Variants in BCAR1 observed in about 807,000 individuals in gnomAD.
The protein encoded by BCAR1 is BCAR1 scaffold protein, Cas family member.
BCAR1 carries 30 observed loss-of-function variants against 67.6 expected under a neutral mutation model. The observed-to-expected ratio is 0.44, with a 90% confidence interval of 0.33 to 0.60. The LOEUF is 0.60. BCAR1 is among the 20% of genes least tolerant of loss of function. BCAR1 has a pLI of 0.02. For missense variants in BCAR1, 1,313 were observed against 1,222.3 expected, an observed-to-expected ratio of 1.07 and a Z score of -1.11; for synonymous variants, 626 against 556.7, an observed-to-expected ratio of 1.12 and a Z score of -1.75.
At position 75,257,459 on chromosome 16, in the gene BCAR1, C is replaced by CT. The variant is rs1555547561; in HGVS notation, c.66+10455dup. 5.9e-5 allele frequency among the ~76,000 whole-genome samples: 9 copies of CT among 151,858 alleles called. No individual in the cohort carries two copies. In the South Asian group the frequency reaches 1.7e-3, roughly 28 times the overall value. On this transcript the variant is annotated intron_variant, in intron 1 of 6. Transcript: ENST00000393422. The stretch of plus-strand genomic sequence containing the variant: ...TGTGGCAGCCACAGGGAAAGCAATG[C>CT]TTTTTTTTCTTTTTTTAAAGACAAG...
rs747078851 is a variant in BCAR1, at chr16:75,236,852, GGCCCTGGCATT to G, written c.912+19_912+29del. 3.7e-5 allele frequency: 60 copies of G among 1,606,768 alleles called. No individual in the cohort carries two copies. The highest frequency in any genetic ancestry group is 3.6e-4 in the African/African-American group (27 of 74,970). ...CCCAGACACCCCACAGCCTCAGCCTGGCCCTGGCATTGCCCTGGCATTTGCTCACTGCGTGG... is the reference window on the plus strand; with the variant it reads ...CCCAGACACCCCACAGCCTCAGCCTGGCCCTGGCATTTGCTCACTGCGTGG... On this transcript the variant is annotated intron_variant, in intron 4 of 6. Transcript: ENST00000162330.
At chr16:75,238,859 C>T in intron 2 of BCAR1, 3 of 985,406 alleles carry the variant, frequency 3.0e-6, no homozygotes, top group South Asian at 4.7e-5. Context: ...CGAGGCACGG[C>T]CTGAGGCTTC....
chr16:75,262,972 T>C (rs1055771248), intron 1 of BCAR1, among the ~76,000 whole-genome samples: 1 of 152,168 alleles, frequency 6.6e-6, no homozygotes, highest in African/African-American at 2.4e-5. Context: ...TGCAGGACGA[T>C]GCTTATTTTA....
chr16:75,252,222 G>A (rs938773269), upstream of BCAR1: 2 of 1,536,570 alleles, frequency 1.3e-6, no homozygotes, highest in Non-Finnish European at 1.7e-6. Context: ...CGCTTTTCAC[G>A]GGCAGCACCT....
chr16:75,252,246 T>C (rs1013997403), upstream of BCAR1: 1 of 1,536,582 alleles, frequency 6.5e-7, no homozygotes, highest in African/African-American at 1.4e-5. Context: ...TTCCCCTGCA[T>C]TGTGCCGACA....
chr16:75,229,290 A>C lies in BCAR1; in HGVS notation c.*221T>G. On this transcript the variant is annotated 3_prime_UTR_variant, in exon 7 of 7. Transcript: ENST00000162330. ...CCCGGGCCCGTGGTGCATGCTGGGG[A>C]AGGCCACTGGCCGGCCCCTGGGCTT... 1.5e-6 allele frequency: 1 copy of C among 683,038 alleles called. No individual in the cohort carries two copies. Among genetic ancestry groups the C allele is most frequent in the Non-Finnish European group, 2.3e-6 (1 of 444,152 alleles). The allele number at this position is 683,038 out of a possible 1,614,324, so 42.3% of individuals were successfully genotyped here.
At chr16:75,236,444 C>A (rs191884831) in intron 4 of BCAR1, 4 of 335,974 alleles carry the variant, frequency 1.2e-5, no homozygotes, top group African/African-American at 2.1e-5. Flanking sequence ...TGTTACCACC[C>A]AGCACCACCA....
chr16:75,232,607 T>C (rs958171979), intron 6 of BCAR1, among the ~76,000 whole-genome samples: 1 of 152,190 alleles, frequency 6.6e-6, no homozygotes, highest in Admixed American at 6.5e-5. Context: ...GGTGTTTTCT[T>C]TAGTAGATTT....
chr16:75,264,374 G>A lies in BCAR1; in HGVS notation c.66+3541C>T. ...ACCGGCCCTCCAGCAGGCTCAGGTG[G>A]TCCGCCTTGTCCCTCTGCCCAGTGC... On this transcript the variant is annotated intron_variant, in intron 1 of 6. Coordinates refer to the BCAR1 transcript ENST00000393422. 2.0e-6 allele frequency: 3 copies of A among 1,531,066 alleles called. No homozygotes were observed. The East Asian group carries it at 7.4e-5, about 38-fold the overall frequency. The allele number at this position is 1,531,066 out of a possible 1,614,324, so 94.8% of individuals were successfully genotyped here. A position where few individuals can be genotyped will look rare whatever the true frequency, so the allele number is the denominator to read the frequency against.
In BCAR1 at chr16:75,229,795, T is replaced by C. The variant is rs753719583; in HGVS notation, c.2329A>G (p.Ile777Val). Residue 777 changes from isoleucine (I) to valine (V), a missense_variant, in exon 7 of 7, where the codon ATC becomes GTC. Transcript: ENST00000162330. ...TAVATNQPPK[I>V]FVAHSKFVIL... ...ACGAACTTGCTGTGCGCCACAAAGA[T>C]CTTGGGCGGCTGGTTGGTGGCCACG... 5 of 1,613,466 alleles carry C rather than the reference T, an allele frequency of 3.1e-6. No homozygotes were observed. Among genetic ancestry groups the C allele is most frequent in the South Asian group, 1.1e-5 (1 of 91,078 alleles).
intron 1 of BCAR1, among the ~76,000 whole-genome samples, chr16:75,243,748 G>A (rs908216575): frequency 1.3e-5 from 2 of 152,222 alleles, no homozygotes; most frequent in African/African-American, 4.8e-5. Flanking sequence ...AGTCCGAGAG[G>A]GACTTGGAGG....
chr16:75,240,638 T>G (rs2077307649), intron 2 of BCAR1, among the ~76,000 whole-genome samples: 1 of 152,200 alleles, frequency 6.6e-6, no homozygotes, highest in South Asian at 2.1e-4. Flanking sequence ...TCCCATACAT[T>G]ATGCATTTTC....
chr16:75,230,695 C>A (rs988377157), intron 6 of BCAR1, among the ~76,000 whole-genome samples: 3 of 152,150 alleles, frequency 2.0e-5, no homozygotes, highest in African/African-American at 2.4e-5. Flanking sequence ...CCAGCCACAC[C>A]CAGACTCAGG....
In BCAR1 at chr16:75,237,195, C is replaced by G; in HGVS notation, c.783G>C (p.Gln261His). 1 of 1,573,114 alleles carries G rather than the reference C, an allele frequency of 6.4e-7. No individual in the cohort carries two copies. Among genetic ancestry groups the G allele is most frequent in the African/African-American group, 1.4e-5 (1 of 73,572 alleles). The change falls in exon 3 of 7, where the codon CAG (glutamine) becomes CAC (histidine). Residue 261 changes from glutamine to histidine, a missense_variant. Physicochemically the swap from Gln to His is conservative, Grantham distance 24. Around this residue, in one of 2 missense-constraint regions of BCAR1, gnomAD observed 1,272 missense variants for 1,137.5 expected, o/e 1.12. Coordinates refer to ENST00000162330, the MANE Select transcript of BCAR1 (RefSeq NM_014567.5). ...VPPVRGLLPSQYGQEVYDTPP... is the reference protein window; with the variant it reads ...VPPVRGLLPSHYGQEVYDTPP... ...ACCCCACACCTACCTCCTGGCCATA[C>G]TGGCTGGGAAGCAGCCCCCGAACCG...
At chr16:75,264,823 G>A (rs1370267253) in intron 1 of BCAR1, 3 of 282,696 alleles carry the variant, frequency 1.1e-5, no homozygotes, top group Non-Finnish European at 1.2e-5. Flanking sequence ...GAGTGGACAG[G>A]GCTCTGGAGG....
Position 75,251,606 on chromosome 16 carries a change from G to A in BCAR1, c.-124C>T. 1 of 1,021,776 alleles carries A rather than the reference G, an allele frequency of 9.8e-7. No individual in the cohort carries two copies. Among genetic ancestry groups the A allele is most frequent in the African/African-American group, 1.7e-5 (1 of 57,856 alleles). The allele number at this position is 1,021,776 out of a possible 1,614,324, so 63.3% of individuals were successfully genotyped here. A position where few individuals can be genotyped will look rare whatever the true frequency, so the allele number is the denominator to read the frequency against. On this transcript the variant is annotated 5_prime_UTR_variant, in exon 1 of 7. Transcript: ENST00000162330. ...GGTGCCGCCGCGCAGCTGCCGCCTC[G>A]GCCACCCAGAGCCGGTCCAGCCGCT...
At chr16:75,253,942 C>T (rs1369402646), upstream of BCAR1, among the ~76,000 whole-genome samples, 2 of 151,760 alleles carry the variant, frequency 1.3e-5, no homozygotes, top group Admixed American at 6.6e-5. Flanking sequence ...CACAGCAATC[C>T]TGCAAAACAG....
At position 75,234,944 on chromosome 16, in the gene BCAR1, T is replaced by C. The variant is rs1285828538; in HGVS notation, c.1955A>G (p.Gln652Arg). 5.1e-6 allele frequency: 8 copies of C among 1,579,212 alleles called. No homozygotes were observed. In the Admixed American group the frequency reaches 1.4e-4, roughly 27 times the overall value. ...CCAGCCCCCCTCGCTGTTCTCGTAC[T>C]GCCCATCTGGCGAGTCCTGGGAGGT... ...KFTSQDSPDG[Q>R]YENSEGGWME... Residue 652 changes from glutamine (Q) to arginine (R), a missense_variant, in exon 5 of 7, where the codon CAG (glutamine) becomes CGG (arginine). Around this residue, in one of 2 missense-constraint regions of BCAR1, gnomAD observed 1,272 missense variants for 1,137.5 expected, o/e 1.12. Coordinates refer to ENST00000162330, the MANE Select transcript of BCAR1 (RefSeq NM_014567.5).
At chr16:75,240,848 G>A (rs572520550) in intron 2 of BCAR1, among the ~76,000 whole-genome samples, 14 of 152,368 alleles carry the variant, frequency 9.2e-5, no homozygotes, top group African/African-American at 3.1e-4. Flanking sequence ...CCAGCTGGCT[G>A]AGCCCCTGAT....
Sources: gnomAD v4.1 joint callset for allele counts (sites outside exome capture counted in the v4.1 genomes callset) on GRCh38, gnomAD v4.1.1 for gene constraint, gnomAD v4.1.1 regional missense constraint, MANE v1.5 for transcripts, NCBI Gene and HGNC (gene_info 2026-07-23, HGNC 2026-07-21) for gene names.